The following KCNT2 variants were observed in gnomAD, a reference collection of about 807,000 sequenced individuals.
The protein encoded by KCNT2 is potassium sodium-activated channel subfamily T member 2, also known as potassium channel subfamily T member 2.
KCNT2 carries 67 observed loss-of-function variants against 153.8 expected under a neutral mutation model. The ratio of observed to expected loss-of-function variants is 0.44; its 90% CI spans 0.36 to 0.53. The LOEUF (loss-of-function observed/expected upper bound fraction) is 0.53, where lower values mean the gene tolerates loss of function less well. Among genes scored for constraint, KCNT2 ranks in the 20% least tolerant of loss-of-function variants. The pLI, the probability that KCNT2 is intolerant of heterozygous loss-of-function variation, is 0.00. For missense variants in KCNT2, 975 were observed against 1,354.8 expected (o/e 0.72, Z 4.40); for synonymous variants, 500 against 458.8 (o/e 1.09, Z -1.15).
At chr1:196,340,187 G>T (rs1451445046) in intron 16 of KCNT2, among the ~76,000 whole-genome samples, 154 bp downstream of exon 16, 1 of 151,880 alleles carries the variant, frequency 6.6e-6, no homozygotes, top group Non-Finnish European at 1.5e-5. Context: ...ACTTAGAACT[G>T]TTGTCCTGTA....
At chr1:196,230,459 A>G (rs1327220637) in intron 27 of KCNT2, among the ~76,000 whole-genome samples, 1 of 152,078 alleles carries the variant, frequency 6.6e-6, no homozygotes. Flanking sequence ...ATGGAGATGT[A>G]CAATGAGATT....
chr1:196,323,852 G>A (rs1025865034), intron 19 of KCNT2, among the ~76,000 whole-genome samples: 19 of 151,212 alleles, frequency 1.3e-4, no homozygotes, highest in African/African-American at 4.6e-4. Flanking sequence ...CATCATTGTA[G>A]GAATTCCTAT....
chr1:196,451,996 G>A (rs572789947), intron 8 of KCNT2, among the ~76,000 whole-genome samples: 7 of 151,486 alleles, frequency 4.6e-5, no homozygotes, highest in South Asian at 2.1e-4. Context: ...TATTAGAATC[G>A]GGTAATAGAC....
intron 15 of KCNT2, among the ~76,000 whole-genome samples, chr1:196,341,494 A>T (rs1665625255): frequency 6.6e-6 from 1 of 152,024 alleles, no homozygotes; most frequent in South Asian, 2.1e-4. Context: ...CTATATACGT[A>T]TATTGTAAAT....
intron 14 of KCNT2, among the ~76,000 whole-genome samples, chr1:196,369,489 C>T (rs1371132838): frequency 6.6e-6 from 1 of 150,488 alleles, no homozygotes; most frequent in East Asian, 2.0e-4. Flanking sequence ...CCCCACCCCA[C>T]AACAGTCCCC....
chr1:196,425,586 G>C (rs192880712), intron 11 of KCNT2, among the ~76,000 whole-genome samples: 1 of 152,030 alleles, frequency 6.6e-6, no homozygotes, highest in East Asian at 1.9e-4. Context: ...ATTATTCTGG[G>C]CCACTTTTTT....
chr1:196,463,491 A>G (rs529486050), intron 8 of KCNT2, among the ~76,000 whole-genome samples: 29 of 151,846 alleles, frequency 1.9e-4, no homozygotes, highest in African/African-American at 6.5e-4. Context: ...ATGTAGTTAA[A>G]CTTAATGTTA....
intron 10 of KCNT2, among the ~76,000 whole-genome samples, chr1:196,426,209 T>C (rs1490948392): frequency 6.6e-6 from 1 of 151,994 alleles, no homozygotes; most frequent in East Asian, 1.9e-4. Flanking sequence ...AATAAATTCA[T>C]CTCAACTTAT....
chr1:196,515,360 T>C (rs185262812), intron 1 of KCNT2, among the ~76,000 whole-genome samples: 4 of 152,286 alleles, frequency 2.6e-5, no homozygotes, highest in Non-Finnish European at 1.5e-5. Flanking sequence ...CTATATAAAA[T>C]AGATGATAAA....
chr1:196,381,860 C>T (rs928669184), intron 13 of KCNT2, among the ~76,000 whole-genome samples: 2 of 152,118 alleles, frequency 1.3e-5, no homozygotes, highest in Non-Finnish European at 2.9e-5. Flanking sequence ...AGTTTCATTC[C>T]TTTTCAACCA....
chr1:196,567,112 A>T (rs1437515947), intron 1 of KCNT2, among the ~76,000 whole-genome samples: 2 of 152,170 alleles, frequency 1.3e-5, no homozygotes, highest in Non-Finnish European at 2.9e-5. Flanking sequence ...TATTAATTAC[A>T]AAATTAAATA....
intron 12 of KCNT2, among the ~76,000 whole-genome samples, chr1:196,417,127 G>A (rs1425551350): frequency 6.6e-6 from 1 of 151,954 alleles, no homozygotes; most frequent in Non-Finnish European, 1.5e-5. Context: ...CAAACTATGA[G>A]GGCCTGGAGA....
intron 16 of KCNT2, among the ~76,000 whole-genome samples, chr1:196,336,581 C>A (rs1215957797): frequency 6.6e-6 from 1 of 152,134 alleles, no homozygotes; most frequent in Non-Finnish European, 1.5e-5. Flanking sequence ...TGCAGTCAGA[C>A]GTTTTAAGAA....
intron 19 of KCNT2, among the ~76,000 whole-genome samples, chr1:196,324,141 C>A (rs1413041023): frequency 1.3e-5 from 2 of 151,784 alleles, no homozygotes; most frequent in African/African-American, 4.8e-5. Flanking sequence ...TCAACCTAAC[C>A]CTTTGAAATA....
chr1:196,485,868 G>A (rs779473989), intron 3 of KCNT2, among the ~76,000 whole-genome samples: 33 of 151,888 alleles, frequency 2.2e-4, no homozygotes, highest in Non-Finnish European at 4.4e-5. Context: ...AAAATGAGGA[G>A]TGAAACCAAA....
intron 14 of KCNT2, among the ~76,000 whole-genome samples, chr1:196,362,236 T>C (rs1258057783): frequency 1.3e-5 from 2 of 152,104 alleles, no homozygotes; most frequent in Non-Finnish European, 2.9e-5. Context: ...GTGAGGAGTT[T>C]AGGATTAAAG....
intron 25 of KCNT2, among the ~76,000 whole-genome samples, chr1:196,262,152 G>A (rs1019121398): frequency 3.3e-5 from 5 of 151,954 alleles, no homozygotes; most frequent in South Asian, 4.2e-4. Context: ...AAGGAAAGTA[G>A]AAAGTGTCAG....
At position 196,602,138 on chromosome 1, in the gene KCNT2, C is replaced by T. The variant is rs114065066; in HGVS notation, c.95+6077G>A. Among the ~76,000 whole-genome samples the T allele has an allele frequency of 5.1e-3, 772 of 151,908 alleles. 4 individuals carry two copies. The highest frequency in any genetic ancestry group is 0.017 in the African/African-American group (707 of 41,412). On this transcript the variant is annotated intron_variant, in intron 1 of 27. Transcript: ENST00000294725. Reference sequence around the variant, plus strand: ...TGCTTTTGCAGAGAAAATTTTAATTCCAAATTTAAAACTCAGAAAAAGACA... The same window carrying T: ...TGCTTTTGCAGAGAAAATTTTAATTTCAAATTTAAAACTCAGAAAAAGACA...
chr1:196,270,138 T>C (rs1427623094), intron 25 of KCNT2, among the ~76,000 whole-genome samples: 5 of 151,976 alleles, frequency 3.3e-5, no homozygotes, highest in Admixed American at 1.3e-4. Context: ...ATTTTAAAAA[T>C]AATATTATTA....
Sources: allele counts gnomAD v4.1 joint callset (sites outside exome capture counted in the v4.1 genomes callset), GRCh38; gene constraint gnomAD v4.1.1; transcripts MANE v1.5; gene names NCBI Gene and HGNC (gene_info 2026-07-23, HGNC 2026-07-21).